The following MUC21 variants were observed in gnomAD, a reference collection of about 807,000 sequenced individuals.
The protein encoded by MUC21 is mucin 21, cell surface associated.
Under a neutral mutation model 9.1 loss-of-function variants are expected in MUC21, and 8 were observed. That is an observed-to-expected ratio of 0.88 (90% CI 0.52 to 1.59). The LOEUF (loss-of-function observed/expected upper bound fraction) is 1.59, where lower values mean the gene tolerates loss of function less well. MUC21 is among the 40% of genes most tolerant of loss of function. MUC21 has a pLI of 0.00. For synonymous variants in MUC21, 189 were observed against 275.2 expected (o/e 0.69, Z 3.10); for missense variants, 478 against 694.2 (o/e 0.69, Z 3.50).
chr6:30,987,141 A>ATGTG lies in MUC21; in HGVS notation c.966_967insTGTG (p.Thr323CysfsTer13), dbSNP rs1762376582. The ATGTG allele has an allele frequency of 2.6e-6, 4 of 1,525,522 alleles. No homozygotes were observed. The highest frequency in any genetic ancestry group is 3.5e-6 in the Non-Finnish European group (4 of 1,130,448). The allele number at this position is 1,525,522 out of a possible 1,614,324, so 94.5% of individuals were successfully genotyped here. Reference sequence around the variant, plus strand: ...CAGCCACCAACTCTGACTCCAGCACAACCTCCAGTGGGGCCAGCACAGCCA... The same window carrying ATGTG: ...CAGCCACCAACTCTGACTCCAGCACATGTGACCTCCAGTGGGGCCAGCACAGCCA... On this transcript the variant is annotated frameshift_variant, in exon 2 of 3. Coordinates refer to ENST00000376296, the MANE Select transcript of MUC21 (RefSeq NM_001010909.5). LOFTEE classifies it high-confidence loss of function.
Position 30,988,166 on chromosome 6 carries a change from A to C in MUC21, c.1673A>C (p.Glu558Ala). 6.2e-7 allele frequency: 1 copy of C among 1,612,528 alleles called. No individual in the cohort carries two copies. Among genetic ancestry groups the C allele is most frequent in the Non-Finnish European group, 8.5e-7 (1 of 1,179,940 alleles). The change falls in exon 3 of 3, where the codon GAG becomes GCG. Residue 558 changes from glutamate to alanine, a missense_variant. By Grantham distance (107) the Glu-to-Ala change is moderately radical. Transcript: ENST00000376296. ...WRRPVSSIAM[E>A]MSGRNSGP is the part of the protein sequence containing the mutation. ...AGACCAGTATCCTCGATAGCCATGG[A>C]GATGAGCGGGAGGAACAGCGGGCCC...
chr6:30,986,408 C>G lies in MUC21; in HGVS notation c.233C>G (p.Ser78Cys), dbSNP rs1292311392. 10 of 1,612,914 alleles carry G rather than the reference C, an allele frequency of 6.2e-6. No homozygotes were observed. The highest frequency in any genetic ancestry group is 8.5e-6 in the Non-Finnish European group (10 of 1,179,514). The change falls in exon 2 of 3, where the codon TCT becomes TGT. Residue 78 changes from serine to cysteine, a missense_variant. By Grantham distance (112) the Ser-to-Cys change is moderately radical. Coordinates refer to ENST00000376296, the MANE Select transcript of MUC21 (RefSeq NM_001010909.5). Reference protein sequence around the residue: ...TSNGVSIVTNSEFHTTSSGIS... With the variant: ...TSNGVSIVTNCEFHTTSSGIS... ...AATGGGGTCAGCATAGTCACCAACT[C>G]TGAGTTCCATACAACCTCCAGTGGG...
chr6:30,984,168 C>T (rs1335722844), intron 1 of MUC21, 149 bp downstream of exon 1: 1 of 597,056 alleles, frequency 1.7e-6, no homozygotes, highest in African/African-American at 1.9e-5. Context: ...CAAGGTATGT[C>T]ATGCAGGAAG....
chr6:30,984,898 G>C (rs3131930), intron 1 of MUC21, among the ~76,000 whole-genome samples: 20,283 of 151,240 alleles, frequency 0.13, 1,461 homozygotes, highest in Admixed American at 0.17. Context: ...TCGCTTGAAC[G>C]TGGGAGGCGG....
At chr6:30,987,895 G>C in intron 2 of MUC21, 105 bp from the exon 3 acceptor site, 1 of 1,062,238 alleles carries the variant, frequency 9.4e-7, no homozygotes, top group Non-Finnish European at 1.4e-6. Flanking sequence ...GGAGAACTAG[G>C]TAAAGAGTGT....
rs1433890621 is a variant in MUC21 at position 30,988,137 on chromosome 6, G to A, written c.1644G>A (p.Trp548Ter). 6.2e-7 allele frequency: 1 copy of A among 1,612,964 alleles called. No individual in the cohort carries two copies. The highest frequency in any genetic ancestry group is 2.2e-5 in the East Asian group (1 of 44,880). ...CCAGGTGGAGTCCTAACTGGTTCTG[G>A]AGGAGACCAGTATCCTCGATAGCCA... ...HRPRWSPNWF[W>*]RRPVSSIAME... The change falls in exon 3 of 3, where the codon TGG becomes TGA. Residue 548 changes from tryptophan to a stop codon, truncating the protein, a stop_gained. Transcript: ENST00000376296. LOFTEE classifies it low-confidence loss of function (END_TRUNC).
chr6:30,988,238 C>T lies in MUC21; in HGVS notation c.*44C>T, dbSNP rs754146479. The T allele has an allele frequency of 4.9e-5, 76 of 1,550,284 alleles. No homozygotes were observed. On this transcript the variant is annotated 3_prime_UTR_variant, in exon 3 of 3. Coordinates refer to ENST00000376296, the MANE Select transcript of MUC21 (RefSeq NM_001010909.5). ...GCCGCATTCTTCAGGAAGGAAGAGA[C>T]CTGGGCACCCAAGACCTGGTTTCCT...
In MUC21 at chr6:30,984,301, G is replaced by A. The variant is rs116654203; in HGVS notation, c.61+282G>A. 6.7e-4 allele frequency: 256 copies of A among 383,650 alleles called. 1 individual carries two copies. The highest frequency in any genetic ancestry group is 4.2e-3 in the Middle Eastern group (6 of 1,422). The allele number at this position is 383,650 out of a possible 1,614,324, so 23.8% of individuals were successfully genotyped here. A position where few individuals can be genotyped will look rare whatever the true frequency, so the allele number is the denominator to read the frequency against. On this transcript the variant is annotated intron_variant, in intron 1 of 2. Transcript: ENST00000376296. ...TCTCTGCGCCTCGATTTCTGCATCT[G>A]TAAAATGGTAACAACCTGTGTAATA...
chr6:30,985,571 T>C (rs1248305880), intron 1 of MUC21, among the ~76,000 whole-genome samples: 1 of 152,222 alleles, frequency 6.6e-6, no homozygotes, highest in Non-Finnish European at 1.5e-5. Context: ...GTCCTATAAT[T>C]CTTTTATAAT....
rs757119698 is a variant in MUC21 at position 30,988,191 on chromosome 6, C to T, written c.1698C>T (p.Pro566=). The T allele has an allele frequency of 5.6e-6, 9 of 1,609,036 alleles. No individual in the cohort carries two copies. The African/African-American group carries it at 1.2e-4, about 22-fold the overall frequency. ...AMEMSGRNSG[P] ...AGATGAGCGGGAGGAACAGCGGGCC[C>T]TGAGCAGCCCCGGAAGCAAGTGCCG... Residue 566 remains proline, a synonymous_variant, in exon 3 of 3, where the codon CCC becomes CCT. Coordinates refer to ENST00000376296, the MANE Select transcript of MUC21 (RefSeq NM_001010909.5).
Position 30,984,094 on chromosome 6 carries a change from G to A in MUC21, c.61+75G>A, listed in dbSNP as rs1039040608. 3 of 756,360 alleles carry A rather than the reference G, an allele frequency of 4.0e-6. No homozygotes were observed. The African/African-American group carries it at 5.2e-5, about 13-fold the overall frequency. 46.9% of individuals were successfully genotyped at this position (756,360 alleles called of 1,614,324 possible). On this transcript the variant is annotated intron_variant, in intron 1 of 2. Transcript: ENST00000376296. ...GGGAGAGAAATGTGACCACTACTGG[G>A]GCCAGCTCTGCTTCTCTTCCATAGA...
chr6:30,986,120 C>T (rs779015024), intron 1 of MUC21, 117 bp from the exon 2 acceptor site: 11 of 892,656 alleles, frequency 1.2e-5, no homozygotes, highest in Non-Finnish European at 1.9e-5. Flanking sequence ...ATAATAATAG[C>T]ATCTATGTTA....
chr6:30,987,805 TA>T, intron 2 of MUC21, 124 bp downstream of exon 2: 1 of 1,460,308 alleles, frequency 6.8e-7, no homozygotes, highest in Non-Finnish European at 9.1e-7. Flanking sequence ...CAGGAAAGAG[TA>T]ACACAGAGAC....
At chr6:30,985,265 T>C (rs1203571239) in intron 1 of MUC21, among the ~76,000 whole-genome samples, 1 of 152,176 alleles carries the variant, frequency 6.6e-6, no homozygotes. Flanking sequence ...GGAGCTCTTA[T>C]GTATTTGAGC....
rs767681455 is a variant in MUC21, at chr6:30,988,155, G to T, written c.1662G>T (p.Ser554=). The T allele has an allele frequency of 6.2e-7, 1 of 1,612,774 alleles. No individual in the cohort carries two copies. Among genetic ancestry groups the T allele is most frequent in the South Asian group, 1.1e-5 (1 of 91,058 alleles). Residue 554 remains serine, a synonymous_variant, in exon 3 of 3, where the codon TCG becomes TCT. Coordinates refer to ENST00000376296, the MANE Select transcript of MUC21 (RefSeq NM_001010909.5). ...PNWFWRRPVS[S]IAMEMSGRNS... is the part of the protein sequence containing the mutation. ...GGTTCTGGAGGAGACCAGTATCCTC[G>T]ATAGCCATGGAGATGAGCGGGAGGA... is the stretch of plus-strand genomic sequence containing the variant.
In MUC21 at chr6:30,983,978, A is replaced by T. The variant is rs151167115; in HGVS notation, c.20A>T (p.Asn7Ile). ...AGACAGATGAAGATGCAGAAAGGAA[A>T]TGTTCTCCTTATGTTTGGTCTACTA... is the stretch of plus-strand genomic sequence containing the variant. MKMQKG[N>I]VLLMFGLLLH... Residue 7 changes from asparagine (N) to isoleucine (I), a missense_variant, in exon 1 of 3, where the codon AAT becomes ATT. Coordinates refer to ENST00000376296, the MANE Select transcript of MUC21 (RefSeq NM_001010909.5). 1.3e-6 allele frequency: 1 copy of T among 779,868 alleles called. No homozygotes were observed. The highest frequency in any genetic ancestry group is 2.4e-6 in the Non-Finnish European group (1 of 418,084). The allele number at this position is 779,868 out of a possible 1,614,324, so 48.3% of individuals were successfully genotyped here.
chr6:30,984,451 A>G (rs1013987693), intron 1 of MUC21, among the ~76,000 whole-genome samples: 1 of 152,046 alleles, frequency 6.6e-6, no homozygotes, highest in African/African-American at 2.4e-5. Flanking sequence ...CAGGCAGGTC[A>G]TTGAGGTCAG....
In MUC21 at chr6:30,983,823, C is replaced by A; in HGVS notation, c.-136C>A. ...TTCCCAGGAACACAAACGTAGGAGA[C>A]CCACGCTCCTGGAAGCACCAGCCTT... On this transcript the variant is annotated 5_prime_UTR_variant, in exon 1 of 3. Coordinates refer to ENST00000376296, the MANE Select transcript of MUC21 (RefSeq NM_001010909.5). The A allele has an allele frequency of 5.1e-6, 3 of 588,672 alleles. No individual in the cohort carries two copies. The highest frequency in any genetic ancestry group is 9.1e-6 in the Non-Finnish European group (3 of 328,578). The allele number at this position is 588,672 out of a possible 1,614,324, so 36.5% of individuals were successfully genotyped here. A position where few individuals can be genotyped will look rare whatever the true frequency, so the allele number is the denominator to read the frequency against.
In MUC21 at chr6:30,986,469, G is replaced by A. The variant is rs1562528971; in HGVS notation, c.294G>A (p.Val98=). The part of the protein sequence containing the change: ...STATNSEFST[V]SSGISIATNS... ...CCACCAACTCTGAGTTCAGCACAGT[G>A]TCCAGTGGGATCAGCATAGCCACCA... is the stretch of plus-strand genomic sequence containing the variant. Residue 98 remains valine (V), a synonymous_variant, in exon 2 of 3, where the codon GTG becomes GTA. Coordinates refer to ENST00000376296, the MANE Select transcript of MUC21 (RefSeq NM_001010909.5). The A allele has an allele frequency of 3.2e-6, 5 of 1,582,592 alleles. No homozygotes were observed. Among genetic ancestry groups the A allele is most frequent in the East Asian group, 2.3e-5 (1 of 43,630 alleles).
Sources: allele counts gnomAD v4.1 joint callset (sites outside exome capture counted in the v4.1 genomes callset), GRCh38; gene constraint gnomAD v4.1.1; transcripts MANE v1.5; gene names NCBI Gene and HGNC (gene_info 2026-07-23, HGNC 2026-07-21).